CFAP46: variants seen among roughly 807,000 people sequenced by gnomAD.
CFAP46 encodes the protein cilia and flagella associated protein 46.
CFAP46 carries 245 observed loss-of-function variants against 325.7 expected under a neutral mutation model. The observed-to-expected ratio is 0.75, with a 90% confidence interval of 0.68 to 0.84. CFAP46 has a LOEUF of 0.84. Ranked by LOEUF, CFAP46 falls within the 40% of genes least tolerant of loss-of-function variation. The pLI, the probability that CFAP46 is intolerant of heterozygous loss-of-function variation, is 0.00. For synonymous variants in CFAP46, 1,523 were observed against 1,495.9 expected (o/e 1.02, Z -0.42); for missense variants, 3,346 against 3,543.0 (o/e 0.94, Z 1.41).
rs1352951209 is a variant in CFAP46, at chr10:132,867,422, G to A, written c.4696C>T (p.Leu1566Phe). The A allele has an allele frequency of 1.3e-6, 2 of 1,550,624 alleles. No individual in the cohort carries two copies. The highest frequency in any genetic ancestry group is 2.0e-5 in the Admixed American group (1 of 51,012). Residue 1566 changes from leucine to phenylalanine, a missense_variant, in exon 34 of 58, where the codon CTT becomes TTT. Coordinates refer to ENST00000368586, the MANE Select transcript of CFAP46 (RefSeq NM_001200049.3). Reference protein sequence around the residue: ...ESLPALNEQTLPVQPGEIKPL... With the variant: ...ESLPALNEQTFPVQPGEIKPL... ...TTGATCTCCCCAGGCTGGACAGGAAGTGTCTGCTCATTCAGTGCTGGCAGG... is the reference window on the plus strand; with the variant it reads ...TTGATCTCCCCAGGCTGGACAGGAAATGTCTGCTCATTCAGTGCTGGCAGG...
chr10:132,932,441 C>T (rs1240150157), intron 8 of CFAP46, among the ~76,000 whole-genome samples: 1 of 151,298 alleles, frequency 6.6e-6, no homozygotes, highest in Non-Finnish European at 1.5e-5. Context: ...CACACAGAGC[C>T]TGGGCCTCCC....
intron 35 of CFAP46, among the ~76,000 whole-genome samples, chr10:132,865,497 C>T (rs1429373749): frequency 2.0e-5 from 3 of 152,202 alleles, no homozygotes; most frequent in East Asian, 1.9e-4. Flanking sequence ...ACAGGTGCAG[C>T]GCCCGCCGGG....
rs1849695185 is a variant in CFAP46 at position 132,919,892 on chromosome 10, C to T, written c.1730+167G>A. Among the ~76,000 whole-genome samples the T allele has an allele frequency of 2.0e-5, 3 of 152,020 alleles. No homozygotes were observed. The highest frequency in any genetic ancestry group is 6.5e-5 in the Admixed American group (1 of 15,280). ...ACAGGCTGGGGGGTCCCGTCTGTGG[C>T]GGGACTCCCAGGCAGGGACCTCGTC... On this transcript the variant is annotated intron_variant, in intron 14 of 57. Coordinates refer to ENST00000368586, the MANE Select transcript of CFAP46 (RefSeq NM_001200049.3). The surrounding 1 kb of genome is among the most constrained non-coding windows in gnomAD (Gnocchi z 9.7).
intron 55 of CFAP46, 38 bp from the exon 56 acceptor site, chr10:132,811,069 T>A (rs893205978): frequency 1.3e-6 from 2 of 1,534,072 alleles, no homozygotes; most frequent in East Asian, 4.8e-5. Flanking sequence ...AGCCTTGGCC[T>A]GACATGGGGA....
At chr10:132,861,830 G>A (rs1417041334) in intron 35 of CFAP46, among the ~76,000 whole-genome samples, 1 of 152,220 alleles carries the variant, frequency 6.6e-6, no homozygotes, top group Non-Finnish European at 1.5e-5. Context: ...CCCCTCCCAG[G>A]TGTAGCTGCA....
intron 22 of CFAP46, among the ~76,000 whole-genome samples, chr10:132,902,478 A>G (rs1171377875): frequency 6.6e-6 from 1 of 152,194 alleles, no homozygotes; most frequent in East Asian, 1.9e-4. Flanking sequence ...TAGGAATTCC[A>G]TTCAGTGATT....
At chr10:132,912,444 CCTCTCT>C (rs201102302) in intron 19 of CFAP46, among the ~76,000 whole-genome samples, 3 of 112,356 alleles carry the variant, frequency 2.7e-5, no homozygotes, top group Admixed American at 1.0e-4. Flanking sequence ...TCTCTCCTCT[CCTCTCT>C]CTCTCTCTTC....
rs544585888 is a variant in CFAP46, at chr10:132,827,689, G to A, written c.7117+5669C>T. The stretch of plus-strand genomic sequence containing the variant: ...GCCAGCAAGTCATCGCCACAGCGAA[G>A]GTCACGGCACACCCAGCCCCAGGAG... On this transcript the variant is annotated intron_variant, in intron 50 of 57. Coordinates refer to ENST00000368586, the MANE Select transcript of CFAP46 (RefSeq NM_001200049.3). The surrounding 1 kb of genome is among the most constrained non-coding windows in gnomAD (Gnocchi z 5.7). 1.3e-5 allele frequency among the ~76,000 whole-genome samples: 2 copies of A among 152,162 alleles called. No individual in the cohort carries two copies. The highest frequency in any genetic ancestry group is 2.9e-5 in the Non-Finnish European group (2 of 68,018).
chr10:132,851,005 C>T (rs535091277), intron 40 of CFAP46, 112 bp downstream of exon 40: 24 of 1,308,444 alleles, frequency 1.8e-5, no homozygotes, highest in East Asian at 7.1e-5. Flanking sequence ...CCAGCTGACC[C>T]GCACCGCCAG....
chr10:132,899,181 C>T, intron 23 of CFAP46, 60 bp from the exon 24 acceptor site: 2 of 1,504,260 alleles, frequency 1.3e-6, no homozygotes, highest in Non-Finnish European at 1.8e-6. Flanking sequence ...AGCTGCTGGA[C>T]CAGGAGGGAC....
intron 20 of CFAP46, 47 bp downstream of exon 20, chr10:132,909,872 G>T: frequency 7.3e-7 from 1 of 1,371,122 alleles, no homozygotes; most frequent in South Asian, 1.7e-5. Context: ...AGATCTCTAT[G>T]TCCACAGGGC....
In CFAP46 at chr10:132,812,877, G is replaced by T; in HGVS notation, c.7409C>A (p.Ala2470Asp). The T allele has an allele frequency of 6.2e-7, 1 of 1,609,126 alleles. No homozygotes were observed. Among genetic ancestry groups the T allele is most frequent in the Non-Finnish European group, 8.5e-7 (1 of 1,179,718 alleles). Residue 2470 changes from alanine (A) to aspartate (D), a missense_variant, in exon 55 of 58, where the codon GCC (alanine) becomes GAC (aspartate). Coordinates refer to ENST00000368586, the MANE Select transcript of CFAP46 (RefSeq NM_001200049.3). The stretch of plus-strand genomic sequence containing the variant: ...GAAGAAACCGCTGCAGCTGCCCAGG[G>T]CCTGCTCCCACTGGGCCTGGCTGCA... ...HFPSQAQWEQALGSCSGFFFY... is the reference protein window; with the variant it reads ...HFPSQAQWEQDLGSCSGFFFY...
intron 17 of CFAP46, among the ~76,000 whole-genome samples, chr10:132,915,665 G>A (rs1317800040): frequency 2.6e-5 from 4 of 152,246 alleles, no homozygotes; most frequent in Non-Finnish European, 5.9e-5. Flanking sequence ...TCTGATGCAT[G>A]GATAGTCGGG....
At chr10:132,916,744 G>A in intron 16 of CFAP46, 62 bp from the exon 17 acceptor site, 2 of 1,403,870 alleles carry the variant, frequency 1.4e-6, no homozygotes, top group East Asian at 2.9e-5. Context: ...CACCAGATAG[G>A]AAACACACAC....
rs1591033841 is a variant in CFAP46 at position 132,822,006 on chromosome 10, G to A, written c.7118-7092C>T. Among the ~76,000 whole-genome samples, 3 of 142,340 alleles carry A rather than the reference G, an allele frequency of 2.1e-5. No individual in the cohort carries two copies. The South Asian group carries it at 7.0e-4, about 33-fold the overall frequency. 93.4% of individuals were successfully genotyped at this position (142,340 alleles called of 152,430 possible). On this transcript the variant is annotated intron_variant, in intron 50 of 57. Coordinates refer to ENST00000368586, the MANE Select transcript of CFAP46 (RefSeq NM_001200049.3). ...CTGTGTGTGCGCTTGTGTGTGCTGT[G>A]TGTGCTGATGTGTGCTGTGTGAGTG...
intron 29 of CFAP46, 68 bp downstream of exon 29, chr10:132,879,358 G>C: frequency 7.2e-7 from 1 of 1,392,610 alleles, no homozygotes; most frequent in Non-Finnish European, 9.5e-7. Flanking sequence ...CGCTCACTGC[G>C]GTTTCCCCAG....
Position 132,808,770 on chromosome 10 carries a change from G to A in CFAP46, c.7799C>T (p.Pro2600Leu). ...HRVVQAWTCL[P>L]SAAGAPALAS... The stretch of plus-strand genomic sequence containing the variant: ...AAGTGCTGGGGCCCCAGCAGCTGAT[G>A]GGAGGCAGGTCCAGGCCTGCACTAC... Residue 2600 changes from proline to leucine, a missense_variant, in exon 58 of 58, where the codon CCA (proline) becomes CTA (leucine). Pro to Leu is a moderately conservative substitution (Grantham distance 98). Coordinates refer to ENST00000368586, the MANE Select transcript of CFAP46 (RefSeq NM_001200049.3). The surrounding 1 kb of genome is among the most constrained non-coding windows in gnomAD (Gnocchi z 6.8). 1 of 1,592,314 alleles carries A rather than the reference G, an allele frequency of 6.3e-7. No individual in the cohort carries two copies. Among genetic ancestry groups the A allele is most frequent in the South Asian group, 1.1e-5 (1 of 88,486 alleles).
chr10:132,855,583 C>A (rs541348800), intron 39 of CFAP46, among the ~76,000 whole-genome samples: 2 of 152,262 alleles, frequency 1.3e-5, no homozygotes, highest in South Asian at 2.1e-4. Context: ...GTTGGTCTCA[C>A]CTGTCCTTTA....
In CFAP46 at chr10:132,812,666, G is replaced by A. The variant is rs1191742621; in HGVS notation, c.7501+119C>T. 1.0e-5 allele frequency: 7 copies of A among 687,208 alleles called. No homozygotes were observed. In the African/African-American group the frequency reaches 1.2e-4, roughly 12 times the overall value. The allele number at this position is 687,208 out of a possible 1,614,324, so 42.6% of individuals were successfully genotyped here. ...CAGTCACAGAGGGTGGGGGGCAGGA[G>A]GGGGCTGCGGCCACAGGGGGTGGGG... On this transcript the variant is annotated intron_variant, in intron 55 of 57. Transcript: ENST00000368586.
Sources: allele counts gnomAD v4.1 joint callset (sites outside exome capture counted in the v4.1 genomes callset), GRCh38; gene constraint gnomAD v4.1.1; non-coding constraint Gnocchi (gnomAD v3.1); transcripts MANE v1.5; gene names NCBI Gene and HGNC (gene_info 2026-07-23, HGNC 2026-07-21).